The following CD81 variants were observed in gnomAD, a reference collection of about 807,000 sequenced individuals.
The protein encoded by CD81 is CD81 molecule, also known as CD81 antigen.
In CD81, 10 loss-of-function variants were observed where a neutral mutation model predicts 30.1. The observed-to-expected ratio is 0.33, with a 90% CI of 0.21 to 0.56. The LOEUF (loss-of-function observed/expected upper bound fraction) is 0.56. Ranked by LOEUF, CD81 falls within the 20% of genes least tolerant of loss-of-function variation. The probability of loss-of-function intolerance (pLI) is 0.89; values close to 1 mark genes in which losing one functional copy is unlikely to be tolerated. For missense variants in CD81, 263 were observed against 308.7 expected, an observed-to-expected ratio of 0.85 and a Z score of 1.11; for synonymous variants, 147 against 126.4, an observed-to-expected ratio of 1.16 and a Z score of -1.10.
intron 3 of CD81, 55 bp from the exon 4 acceptor site, chr11:2,394,916 TG>T: frequency 1.3e-6 from 2 of 1,521,270 alleles, no homozygotes; most frequent in East Asian, 4.5e-5. Context: ...TGTGTGTCCT[TG>T]GGCCCCGCCT....
chr11:2,391,781 C>A (rs1849905593), intron 2 of CD81: 1 of 152,258 alleles, frequency 6.6e-6, no homozygotes, highest in African/African-American at 2.4e-5. Context: ...CCCCTGCACG[C>A]AGCTGGGGCG....
chr11:2,395,020 AT>A lies in CD81; in HGVS notation c.329del (p.Ile110ThrfsTer14). 1 of 1,612,438 alleles carries A rather than the reference AT, an allele frequency of 6.2e-7. No homozygotes were observed. Among genetic ancestry groups the A allele is most frequent in the South Asian group, 1.1e-5 (1 of 91,048 alleles). The part of the protein sequence containing the change: ...ILFACEVAAG[I>X]WGFVNKDQIA... ...GTTTGCCTGTGAGGTGGCCGCCGGCATCTGGGGCTTTGTCAACAAGGACCAG... is the reference window on the plus strand; with the variant it reads ...GTTTGCCTGTGAGGTGGCCGCCGGCACTGGGGCTTTGTCAACAAGGACCAG... On this transcript the variant is annotated frameshift_variant, in exon 4 of 8. Coordinates refer to ENST00000263645, the MANE Select transcript of CD81 (RefSeq NM_004356.4). LOFTEE classifies it high-confidence loss of function.
Position 2,377,525 on chromosome 11 carries a change from C to T in CD81, c.-25C>T. On this transcript the variant is annotated 5_prime_UTR_variant, in exon 1 of 8. Coordinates refer to ENST00000263645, the MANE Select transcript of CD81 (RefSeq NM_004356.4). The surrounding 1 kb of genome is among the most constrained non-coding windows in gnomAD (Gnocchi z 7.7). Reference sequence around the variant, plus strand: ...CCGCCCAGGACCGGCCCGCGCCCCGCAGGCCGCCCGCCGCCCGCGCCGCCA... The same window carrying T: ...CCGCCCAGGACCGGCCCGCGCCCCGTAGGCCGCCCGCCGCCCGCGCCGCCA... 1 of 1,311,332 alleles carries T rather than the reference C, an allele frequency of 7.6e-7. No homozygotes were observed. Among genetic ancestry groups the T allele is most frequent in the Non-Finnish European group, 1.0e-6 (1 of 1,002,940 alleles). The allele number at this position is 1,311,332 out of a possible 1,614,324, so 81.2% of individuals were successfully genotyped here. A position where few individuals can be genotyped will look rare whatever the true frequency, so the allele number is the denominator to read the frequency against.
intron 1 of CD81, among the ~76,000 whole-genome samples, chr11:2,383,488 A>G (rs936619023): frequency 1.3e-5 from 2 of 151,752 alleles, no homozygotes; most frequent in African/African-American, 4.8e-5. Context: ...CCCCTCCTTC[A>G]CCCAGTATCT....
chr11:2,380,679 T>G (rs1849690535), intron 1 of CD81, among the ~76,000 whole-genome samples: 1 of 152,150 alleles, frequency 6.6e-6, no homozygotes, highest in South Asian at 2.1e-4. Flanking sequence ...GGCTGGCACC[T>G]GAGACCCACC....
At chr11:2,394,222 G>A (rs1483474956) in intron 3 of CD81, 30 bp downstream of exon 3, 9 of 1,486,802 alleles carry the variant, frequency 6.1e-6, no homozygotes, top group African/African-American at 1.4e-5. Context: ...CTGTGCCTGG[G>A]CCGGGGAGGG....
chr11:2,377,646 G>A lies in CD81; in HGVS notation c.66+31G>A. On this transcript the variant is annotated intron_variant, in intron 1 of 7. Transcript: ENST00000263645. This position sits in a 1 kb window ranked among gnomAD's most constrained non-coding sequence, Gnocchi z 7.7. ...GGCTGCGCCGGGGGCCGGGGCGGGAGGGGGCAGGCACACACTCCACGTTGG... is the reference window on the plus strand; with the variant it reads ...GGCTGCGCCGGGGGCCGGGGCGGGAAGGGGCAGGCACACACTCCACGTTGG... The A allele has an allele frequency of 1.4e-6, 2 of 1,446,848 alleles. No homozygotes were observed. The highest frequency in any genetic ancestry group is 1.9e-6 in the Non-Finnish European group (2 of 1,061,416). The allele number at this position is 1,446,848 out of a possible 1,614,324, so 89.6% of individuals were successfully genotyped here.
At position 2,396,628 on chromosome 11, in the gene CD81, G is replaced by C. The variant is rs766239584; in HGVS notation, c.562G>C (p.Glu188Gln). 1 of 1,610,986 alleles carries C rather than the reference G, an allele frequency of 6.2e-7. No individual in the cohort carries two copies. Among genetic ancestry groups the C allele is most frequent in the Non-Finnish European group, 8.5e-7 (1 of 1,179,932 alleles). The change falls in exon 7 of 8, where the codon GAG becomes CAG. Residue 188 changes from glutamate (E) to glutamine (Q), a missense_variant and splice_region_variant. Physicochemically the swap from Glu to Gln is conservative, Grantham distance 29. Transcript: ENST00000263645. ...CACGCGTGCCTGGCCACCCCTGCAG[G>C]AGGACTGCCACCAGAAGATCGATGA... ...GSNIISNLFK[E>Q]DCHQKIDDLF...
chr11:2,380,671 C>G (rs967202169), intron 1 of CD81, among the ~76,000 whole-genome samples: 2 of 152,148 alleles, frequency 1.3e-5, no homozygotes, highest in Non-Finnish European at 2.9e-5. Context: ...TCAGAGGCGG[C>G]TGGCACCTGA....
intron 3 of CD81, 92 bp downstream of exon 3, chr11:2,394,284 G>A (rs1034819462): frequency 1.6e-5 from 13 of 832,586 alleles, no homozygotes; most frequent in Middle Eastern, 3.5e-4. Context: ...TGCTCAGGGC[G>A]GAGCCTAGAA....
chr11:2,385,381 T>G (rs1362658249), intron 1 of CD81, among the ~76,000 whole-genome samples: 1 of 152,118 alleles, frequency 6.6e-6, no homozygotes, highest in Admixed American at 6.5e-5. Context: ...GGGCCGTCGC[T>G]GTGGGTGCAC....
intron 6 of CD81, 101 bp from the exon 7 acceptor site, chr11:2,396,527 C>A: frequency 9.6e-7 from 1 of 1,041,528 alleles, no homozygotes; most frequent in Non-Finnish European, 1.5e-6. Flanking sequence ...CCCAGGATTC[C>A]CCTCTACGCT....
chr11:2,383,354 G>A (rs762119907), intron 1 of CD81, among the ~76,000 whole-genome samples: 51 of 152,112 alleles, frequency 3.4e-4, no homozygotes, highest in Non-Finnish European at 5.4e-4. Flanking sequence ...TCCACACCCA[G>A]GCCTGGCACT....
intron 6 of CD81, 24 bp downstream of exon 6, chr11:2,395,994 G>GCCTGACCCCCCGCATGTCCCGCC: frequency 6.6e-7 from 1 of 1,508,560 alleles, no homozygotes; most frequent in East Asian, 2.3e-5. Context: ...GTGGGGCCGC[G>GCCTGACCCCCCGCATGTCCCGCC]CCTGACCCCC....
At chr11:2,381,682 G>A (rs1314124330) in intron 1 of CD81, among the ~76,000 whole-genome samples, 1 of 152,258 alleles carries the variant, frequency 6.6e-6, no homozygotes, top group Non-Finnish European at 1.5e-5. Flanking sequence ...TGGGGCTGGG[G>A]CTGGAGAGGA....
At position 2,381,023 on chromosome 11, in the gene CD81, C is replaced by A. The variant is rs553434827; in HGVS notation, c.66+3408C>A. 4.2e-4 allele frequency among the ~76,000 whole-genome samples: 64 copies of A among 152,354 alleles called. 1 individual carries two copies. Among genetic ancestry groups the A allele is most frequent in the Non-Finnish European group, 7.9e-4 (54 of 68,028 alleles). On this transcript the variant is annotated intron_variant, in intron 1 of 7. Transcript: ENST00000263645. ...TGTCATTTGGCACGTCTTTCGCCGT[C>A]CTTCCGGGAGAGGGGCTGCAACCCT...
intron 2 of CD81, chr11:2,390,995 C>A (rs980168597): frequency 1.6e-5 from 4 of 254,922 alleles, no homozygotes; most frequent in Admixed American, 1.0e-4. Context: ...GACTCAGCTG[C>A]CCCTGCAGGC....
At chr11:2,380,677 C>T (rs1422593787) in intron 1 of CD81, among the ~76,000 whole-genome samples, 1 of 152,130 alleles carries the variant, frequency 6.6e-6, no homozygotes, top group Non-Finnish European at 1.5e-5. Flanking sequence ...GCGGCTGGCA[C>T]CTGAGACCCA....
chr11:2,386,977 C>T (rs1443386695), intron 1 of CD81, among the ~76,000 whole-genome samples: 1 of 152,244 alleles, frequency 6.6e-6, no homozygotes, highest in African/African-American at 2.4e-5. Context: ...AGCCCCTTCC[C>T]AGAGCACAGC....
Sources: allele counts gnomAD v4.1 joint callset (sites outside exome capture counted in the v4.1 genomes callset), GRCh38; gene constraint gnomAD v4.1.1; non-coding constraint Gnocchi (gnomAD v3.1); transcripts MANE v1.5; gene names NCBI Gene and HGNC (gene_info 2026-07-23, HGNC 2026-07-21).